TSPEAR: variants seen among roughly 807,000 people sequenced by gnomAD.
TSPEAR encodes the protein thrombospondin type laminin G domain and EAR repeats, also known as thrombospondin-type laminin G domain and EAR repeat-containing protein.
TSPEAR carries 69 observed loss-of-function variants against 71.6 expected under a neutral mutation model. That is an observed-to-expected ratio of 0.96 (90% CI 0.79 to 1.18). TSPEAR has a LOEUF of 1.18. Ranked by LOEUF, TSPEAR falls within the 50% of genes most tolerant of loss-of-function variation. The pLI, the probability that TSPEAR is intolerant of heterozygous loss-of-function variation, is 0.00. For missense variants in TSPEAR, 971 were observed against 894.9 expected, an observed-to-expected ratio of 1.09 and a Z score of -1.09; for synonymous variants, 402 against 387.2, an observed-to-expected ratio of 1.04 and a Z score of -0.45.
At chr21:44,637,478 G>A (rs781798444) in intron 1 of TSPEAR, 12 of 1,613,106 alleles carry the variant, frequency 7.4e-6, no homozygotes, top group Admixed American at 5.0e-5. Context: ...GCGGGTAGTC[G>A]ACTGCCCAGA....
chr21:44,503,431 G>GC (rs1555911425), intron 11 of TSPEAR, among the ~76,000 whole-genome samples: 9 of 134,752 alleles, frequency 6.7e-5, no homozygotes, highest in South Asian at 5.0e-4. Flanking sequence ...TGAGCCCTCG[G>GC]GGGGAAGCAA....
At position 44,636,179 on chromosome 21, in the gene TSPEAR, G is replaced by A. The variant is rs587754545; in HGVS notation, c.83-68174C>T. 5.9e-5 allele frequency among the ~76,000 whole-genome samples: 9 copies of A among 152,302 alleles called. No homozygotes were observed. In the South Asian group the frequency reaches 1.2e-3, roughly 21 times the overall value. ...CCTTCAGGGCTGTGATGGGAACGTC[G>A]TGGATGCTGAGCTGAGCTGAGGCAT... On this transcript the variant is annotated intron_variant, in intron 1 of 11. Transcript: ENST00000323084.
chr21:44,591,537 G>T lies in TSPEAR; in HGVS notation c.83-23532C>A, dbSNP rs1979838817. 1.2e-5 allele frequency: 19 copies of T among 1,613,886 alleles called. No homozygotes were observed. In the East Asian group the frequency reaches 4.2e-4, roughly 36 times the overall value. On this transcript the variant is annotated intron_variant, in intron 1 of 11. Transcript: ENST00000323084. ...CACCACAGGAGGGGACGGGCACGCAGCAGGTGGACTTGCACACAGGGTGGC... is the reference window on the plus strand; with the variant it reads ...CACCACAGGAGGGGACGGGCACGCATCAGGTGGACTTGCACACAGGGTGGC...
At position 44,574,326 on chromosome 21, in the gene TSPEAR, G is replaced by T. The variant is rs587670145; in HGVS notation, c.83-6321C>A. Reference sequence around the variant, plus strand: ...TGTGTCCAGCCCCTGCTGCCAGGCGGTCTGTGAGCCCAGCCCCTGCCAATC... The same window carrying T: ...TGTGTCCAGCCCCTGCTGCCAGGCGTTCTGTGAGCCCAGCCCCTGCCAATC... On this transcript the variant is annotated intron_variant, in intron 1 of 11. Transcript: ENST00000323084. The T allele has an allele frequency of 6.2e-7, 1 of 1,602,232 alleles. No individual in the cohort carries two copies. Among genetic ancestry groups the T allele is most frequent in the South Asian group, 1.1e-5 (1 of 90,532 alleles).
chr21:44,681,609 T>C (rs1309998522), intron 1 of TSPEAR: 17 of 530,208 alleles, frequency 3.2e-5, no homozygotes, highest in African/African-American at 3.0e-4. Flanking sequence ...TTGACTCTCA[T>C]GGGGTCAGAG....
intron 1 of TSPEAR, among the ~76,000 whole-genome samples, chr21:44,674,752 G>A (rs1295777133): frequency 9.7e-5 from 14 of 144,566 alleles, no homozygotes; most frequent in African/African-American, 3.9e-4. Flanking sequence ...GTGTGTGTGT[G>A]TGTGTGTGTG....
At chr21:44,699,742 G>A (rs1394258933) in intron 1 of TSPEAR, among the ~76,000 whole-genome samples, 3 of 152,122 alleles carry the variant, frequency 2.0e-5, no homozygotes, top group African/African-American at 7.2e-5. Context: ...CCAAACTCCA[G>A]GTCTCCAACC....
chr21:44,528,795 C>T (rs2052908513), intron 5 of TSPEAR, among the ~76,000 whole-genome samples: 1 of 152,224 alleles, frequency 6.6e-6, no homozygotes, highest in Admixed American at 6.5e-5. Flanking sequence ...TCATGATGCC[C>T]CCTATATGGT....
In TSPEAR at chr21:44,591,031, C is replaced by A. The variant is rs187036996; in HGVS notation, c.83-23026G>T. 8.3e-3 allele frequency among the ~76,000 whole-genome samples: 1,256 copies of A among 151,774 alleles called. 7 individuals carry two copies. The highest frequency in any genetic ancestry group is 0.028 in the African/African-American group (1,173 of 41,278). On this transcript the variant is annotated intron_variant, in intron 1 of 11. Transcript: ENST00000323084. ...GCCAGGCCTGCTGGGGGTCAGGACTCTCCCTGCAGTCAGGGGTGGCATCAC... is the reference window on the plus strand; with the variant it reads ...GCCAGGCCTGCTGGGGGTCAGGACTATCCCTGCAGTCAGGGGTGGCATCAC...
Position 44,579,799 on chromosome 21 carries a change from G to A in TSPEAR, c.83-11794C>T, listed in dbSNP as rs371335233. The A allele has an allele frequency of 1.6e-5, 26 of 1,609,326 alleles. No individual in the cohort carries two copies. In the African/African-American group the frequency reaches 2.5e-4, roughly 16 times the overall value. On this transcript the variant is annotated intron_variant, in intron 1 of 11. Coordinates refer to ENST00000323084, the MANE Select transcript of TSPEAR (RefSeq NM_144991.3). ...GGGGGGAGCACGCGGGGCGGCAGAG[G>A]AGGGACACGCAGGAGGCCGGGCGGC...
intron 9 of TSPEAR, chr21:44,517,950 CTTT>C (rs587706352): frequency 2.3e-6 from 1 of 428,136 alleles, no homozygotes; most frequent in South Asian, 1.7e-5. Context: ...TCACCCTCTT[CTTT>C]TTTTTCTAGA....
chr21:44,640,867 C>T (rs73233074), intron 1 of TSPEAR, among the ~76,000 whole-genome samples: 13,746 of 152,206 alleles, frequency 0.09, 855 homozygotes, highest in Non-Finnish European at 0.13. Context: ...ACTGATGGGT[C>T]GAGTTCTGAA....
intron 10 of TSPEAR, chr21:44,508,658 G>C (rs1569151342): frequency 8.4e-7 from 1 of 1,195,998 alleles, no homozygotes; most frequent in Non-Finnish European, 1.1e-6. Context: ...TGTCGGTCTG[G>C]AACCATCACT....
intron 1 of TSPEAR, chr21:44,579,648 C>T (rs1454974576): frequency 1.5e-6 from 2 of 1,345,546 alleles, no homozygotes; most frequent in African/African-American, 1.5e-5. Flanking sequence ...GGGGGGTCAC[C>T]TCAGCACATG....
At chr21:44,636,212 G>A (rs1471838760) in intron 1 of TSPEAR, among the ~76,000 whole-genome samples, 3 of 152,320 alleles carry the variant, frequency 2.0e-5, no homozygotes, top group African/African-American at 7.2e-5. Context: ...CATGTGGACC[G>A]GTCTCCAGCA....
At chr21:44,574,479 C>G in intron 1 of TSPEAR, 1 of 1,610,922 alleles carries the variant, frequency 6.2e-7, no homozygotes, top group Admixed American at 1.7e-5. Context: ...CTGCTGCAAG[C>G]CTGTGTGCTC....
At chr21:44,600,304 C>T (rs1980702021) in intron 1 of TSPEAR, among the ~76,000 whole-genome samples, 1 of 147,554 alleles carries the variant, frequency 6.8e-6, no homozygotes, top group South Asian at 2.1e-4. Context: ...TATTTGCAGA[C>T]ATTACACCCT....
intron 1 of TSPEAR, chr21:44,591,483 G>A: frequency 6.2e-7 from 1 of 1,614,086 alleles, no homozygotes; most frequent in South Asian, 1.1e-5. Context: ...CCGTGCGGCA[G>A]CAGCTGGGCT....
intron 11 of TSPEAR, among the ~76,000 whole-genome samples, chr21:44,502,499 C>T (rs1490793283): frequency 3.9e-5 from 6 of 152,322 alleles, no homozygotes; most frequent in South Asian, 4.1e-4. Context: ...CAACCCCATT[C>T]GTTAAACGTA....
Sources: allele counts gnomAD v4.1 joint callset (sites outside exome capture counted in the v4.1 genomes callset), GRCh38; gene constraint gnomAD v4.1.1; transcripts MANE v1.5; gene names NCBI Gene and HGNC (gene_info 2026-07-23, HGNC 2026-07-21).